The following WSB1 variants were observed in gnomAD, a reference collection of about 807,000 sequenced individuals.
WSB1 encodes WD repeat and SOCS box-containing protein 1.
In WSB1, 23 loss-of-function variants were observed where a neutral mutation model predicts 50.2. The observed-to-expected ratio is 0.46, with a 90% CI of 0.33 to 0.65. The LOEUF (loss-of-function observed/expected upper bound fraction) is 0.65. WSB1 is among the 30% of genes least tolerant of loss of function. The pLI, the probability that WSB1 is intolerant of heterozygous loss-of-function variation, is 0.02. For missense variants in WSB1, 492 were observed against 522.3 expected (o/e 0.94, Z 0.56); for synonymous variants, 179 against 172.0 (o/e 1.04, Z -0.32).
intron 5 of WSB1, chr17:27,308,846 C>G (rs1451969631): frequency 9.2e-7 from 1 of 1,084,958 alleles, no homozygotes; most frequent in Admixed American, 4.8e-5. Flanking sequence ...AATTGCATTG[C>G]CTTTATTTTA....
At chr17:27,309,873 G>A (rs1488661591) in intron 6 of WSB1, among the ~76,000 whole-genome samples, 188 bp from the exon 7 acceptor site, 6 of 152,244 alleles carry the variant, frequency 3.9e-5, no homozygotes, top group East Asian at 3.9e-4. Context: ...GAGCCACTGC[G>A]CCCGACCATA....
In WSB1 at chr17:27,309,419, A is replaced by G. The variant is rs542266875; in HGVS notation, c.884+147A>G. 112 of 745,612 alleles carry G rather than the reference A, an allele frequency of 1.5e-4. No homozygotes were observed. In the South Asian group the frequency reaches 2.6e-3, roughly 17 times the overall value. 46.2% of individuals were successfully genotyped at this position (745,612 alleles called of 1,614,324 possible). A position where few individuals can be genotyped will look rare whatever the true frequency, so the allele number is the denominator to read the frequency against. On this transcript the variant is annotated intron_variant, in intron 6 of 8. Transcript: ENST00000262394. ...TATTATTTAAGCCCTTGACTAATGGAAAGCCTTCGATATAAATTCTAAAAG... is the reference window on the plus strand; with the variant it reads ...TATTATTTAAGCCCTTGACTAATGGGAAGCCTTCGATATAAATTCTAAAAG...
At chr17:27,309,372 C>T in intron 6 of WSB1, 100 bp downstream of exon 6, 3 of 1,023,792 alleles carry the variant, frequency 2.9e-6, no homozygotes, top group South Asian at 3.7e-5. Flanking sequence ...AAATTACAGT[C>T]TATTCTAATT....
chr17:27,311,633 C>CTTT lies in WSB1; in HGVS notation c.1106+41_1106+43dup, dbSNP rs142949229. 3,687 of 490,164 alleles carry CTTT rather than the reference C, an allele frequency of 7.5e-3. 17 individuals carry two copies. The highest frequency in any genetic ancestry group is 0.019 in the South Asian group (685 of 35,828). The allele number at this position is 490,164 out of a possible 1,614,324, so 30.4% of individuals were successfully genotyped here. A position where few individuals can be genotyped will look rare whatever the true frequency, so the allele number is the denominator to read the frequency against. On this transcript the variant is annotated intron_variant, in intron 8 of 8. Coordinates refer to ENST00000262394, the MANE Select transcript of WSB1 (RefSeq NM_015626.10). Reference sequence around the variant, plus strand: ...AGCTGCTGGGTAAATATATTTTTCTCTTTTTTTTTTTTTTTTTTTTTTTTT... The same window carrying CTTT: ...AGCTGCTGGGTAAATATATTTTTCTCTTTTTTTTTTTTTTTTTTTTTTTTTTTT...
Position 27,303,517 on chromosome 17 carries a change from A to T in WSB1, c.360A>T (p.Pro120=). 1 of 1,614,216 alleles carries T rather than the reference A, an allele frequency of 6.2e-7. No individual in the cohort carries two copies. Among genetic ancestry groups the T allele is most frequent in the Non-Finnish European group, 8.5e-7 (1 of 1,180,032 alleles). The change falls in exon 3 of 9, where the codon CCA becomes CCT. Residue 120 remains proline, a synonymous_variant. Transcript: ENST00000262394. Reference sequence around the variant, plus strand: ...GTCTTGCTTTTGGGTCATCAGTTCCAGAAAAACAGAGTCGCTGTGTAAATA... The same window carrying T: ...GTCTTGCTTTTGGGTCATCAGTTCCTGAAAAACAGAGTCGCTGTGTAAATA... The part of the protein sequence containing the change: ...VWSLAFGSSV[P]EKQSRCVNIE...
At chr17:27,300,754 G>A (rs1468353904) in intron 1 of WSB1, among the ~76,000 whole-genome samples, 1 of 150,090 alleles carries the variant, frequency 6.7e-6, no homozygotes, top group East Asian at 2.0e-4. Flanking sequence ...CAGTGATGCA[G>A]TCTTGGCTCA....
At position 27,311,715 on chromosome 17, in the gene WSB1, T is replaced by C. The variant is rs2150844638; in HGVS notation, c.1106+99T>C. On this transcript the variant is annotated intron_variant, in intron 8 of 8. Transcript: ENST00000262394. ...GGTGCAATCTCTGCTCACTGTAGCC[T>C]CCGTCTTCCAGTTCAAGGAGATTCT... 5 of 878,316 alleles carry C rather than the reference T, an allele frequency of 5.7e-6. No individual in the cohort carries two copies. In the South Asian group the frequency reaches 8.0e-5, roughly 14 times the overall value. 54.4% of individuals were successfully genotyped at this position (878,316 alleles called of 1,614,324 possible).
intron 4 of WSB1, among the ~76,000 whole-genome samples, 158 bp downstream of exon 4, chr17:27,305,069 A>C (rs924644490): frequency 6.6e-6 from 1 of 152,248 alleles, no homozygotes; most frequent in African/African-American, 2.4e-5. Flanking sequence ...AATAGATCAA[A>C]GAAAAACATA....
intron 4 of WSB1, among the ~76,000 whole-genome samples, chr17:27,305,656 G>A (rs2017422095): frequency 6.6e-6 from 1 of 152,130 alleles, no homozygotes; most frequent in African/African-American, 2.4e-5. Flanking sequence ...TGAATTAGTA[G>A]GAAACAAAAC....
intron 1 of WSB1, among the ~76,000 whole-genome samples, chr17:27,300,170 T>TGGGTGTGTGTGGGGGGTGGGGGC (rs2017168109): frequency 8.9e-6 from 1 of 112,186 alleles, no homozygotes; most frequent in Non-Finnish European, 1.8e-5. Context: ...ATTTTGGGGG[T>TGGGTGTGTGTGGGGGGTGGGGGC]GGGTGTGTCC....
intron 5 of WSB1, chr17:27,308,347 T>C (rs1342859689): frequency 1.0e-6 from 1 of 985,432 alleles, no homozygotes; most frequent in African/African-American, 1.7e-5. Flanking sequence ...AGTTAACTAC[T>C]GATCTTTAGA....
At chr17:27,301,016 C>T (rs2017205243) in intron 1 of WSB1, among the ~76,000 whole-genome samples, 2 of 152,066 alleles carry the variant, frequency 1.3e-5, no homozygotes, top group Middle Eastern at 3.4e-3. Context: ...GGATTACAGG[C>T]GCCCACCACC....
intron 5 of WSB1, chr17:27,307,957 CTTTTTTTCTTTT>C: frequency 8.0e-7 from 1 of 1,248,938 alleles, no homozygotes; most frequent in East Asian, 3.1e-5. Context: ...TTCTTTCTTT[CTTTTTTTCTTTT>C]TTAAAGTAAT....
At position 27,312,434 on chromosome 17, in the gene WSB1, C is replaced by T; in HGVS notation, c.*65C>T. On this transcript the variant is annotated 3_prime_UTR_variant, in exon 9 of 9. Transcript: ENST00000262394. ...CACTTAACACAAACCTCAAGCTTTA[C>T]TGACTTCAATTATCTGTTTTTAAAG... The T allele has an allele frequency of 6.4e-7, 1 of 1,565,390 alleles. No individual in the cohort carries two copies. Among genetic ancestry groups the T allele is most frequent in the South Asian group, 1.2e-5 (1 of 83,048 alleles).
chr17:27,294,409 C>A lies in WSB1; in HGVS notation c.14C>A (p.Pro5His), dbSNP rs2016856493. The A allele has an allele frequency of 6.2e-7, 1 of 1,613,714 alleles. No homozygotes were observed. Among genetic ancestry groups the A allele is most frequent in the South Asian group, 1.1e-5 (1 of 91,036 alleles). The change falls in exon 1 of 9, where the codon CCC becomes CAC. Residue 5 changes from proline to histidine, a missense_variant. Coordinates refer to ENST00000262394, the MANE Select transcript of WSB1 (RefSeq NM_015626.10). MASF[P>H]PRVNEKEIVR... is the part of the protein sequence containing the mutation. ...GGTGCCCCATAGATGGCCAGCTTTC[C>A]CCCGAGGGTCAACGAGAAAGAGATC... is the stretch of plus-strand genomic sequence containing the variant.
intron 3 of WSB1, among the ~76,000 whole-genome samples, chr17:27,304,353 T>G (rs1311362907): frequency 6.6e-6 from 1 of 151,908 alleles, no homozygotes; most frequent in African/African-American, 2.4e-5. Flanking sequence ...GTGGGATAAC[T>G]TGTATCTTTT....
intron 6 of WSB1, among the ~76,000 whole-genome samples, 183 bp from the exon 7 acceptor site, chr17:27,309,878 A>C (rs6505198): frequency 1.3e-5 from 2 of 151,970 alleles, no homozygotes; most frequent in Non-Finnish European, 2.9e-5. Flanking sequence ...ACTGCGCCCG[A>C]CCATAAAAGA....
At chr17:27,303,139 A>T (rs1051438367) in intron 2 of WSB1, 19 of 429,128 alleles carry the variant, frequency 4.4e-5, no homozygotes, top group Non-Finnish European at 6.8e-5. Context: ...TATAATATAA[A>T]TTGCTTTATT....
chr17:27,303,766 A>C, intron 3 of WSB1, 131 bp downstream of exon 3: 1 of 1,128,688 alleles, frequency 8.9e-7, no homozygotes, highest in Non-Finnish European at 1.3e-6. Context: ...GTGCGTCTTT[A>C]TAATAGACCT....
Sources: gnomAD v4.1 joint callset for allele counts (sites outside exome capture counted in the v4.1 genomes callset) on GRCh38, gnomAD v4.1.1 for gene constraint, MANE v1.5 for transcripts, NCBI Gene and HGNC (gene_info 2026-07-23, HGNC 2026-07-21) for gene names.